The following REEP1 variants were observed in gnomAD, a reference collection of about 807,000 sequenced individuals.
REEP1 encodes the protein receptor accessory protein 1, also known as receptor expression-enhancing protein 1.
A neutral mutation model predicts 40.3 loss-of-function variants in REEP1; 22 were observed. That is an observed-to-expected ratio of 0.55 (90% CI 0.39 to 0.78). REEP1 has a LOEUF of 0.78. Ranked by LOEUF, REEP1 falls within the 30% of genes least tolerant of loss-of-function variation. REEP1 has a pLI of 0.00. For missense variants in REEP1, 280 were observed against 361.1 expected (o/e 0.78, Z 1.82); for synonymous variants, 116 against 139.2 (o/e 0.83, Z 1.17).
At chr2:86,277,225 T>C (rs1388752040) in intron 2 of REEP1, among the ~76,000 whole-genome samples, 1 of 151,866 alleles carries the variant, frequency 6.6e-6, no homozygotes, top group Non-Finnish European at 1.5e-5. Flanking sequence ...CAAACAGCCT[T>C]GGGGGGGCCT....
In REEP1 at chr2:86,337,375, A is replaced by T; in HGVS notation, c.32+104T>A. On this transcript the variant is annotated intron_variant, in intron 1 of 8. Transcript: ENST00000538924. The surrounding 1 kb of genome is among the most constrained non-coding windows in gnomAD (Gnocchi z 5.8). ...GCTAAATTTAGCTGCGCCGGGTATT[A>T]ATAGCCCGAGCCACTGGGACCGGGC... The T allele has an allele frequency of 2.8e-6, 2 of 714,646 alleles. No homozygotes were observed. The highest frequency in any genetic ancestry group is 3.8e-6 in the Non-Finnish European group (2 of 530,738). The allele number at this position is 714,646 out of a possible 1,614,324, so 44.3% of individuals were successfully genotyped here.
At chr2:86,285,332 T>C (rs1678330878) in intron 1 of REEP1, among the ~76,000 whole-genome samples, 1 of 152,240 alleles carries the variant, frequency 6.6e-6, no homozygotes, top group Non-Finnish European at 1.5e-5. Flanking sequence ...CTGTGAAGCC[T>C]TTGGTTACTG....
At chr2:86,247,151 A>G (rs1676013876) in intron 5 of REEP1, among the ~76,000 whole-genome samples, 1 of 152,000 alleles carries the variant, frequency 6.6e-6, no homozygotes. Context: ...CAGTTAGGAG[A>G]CAGGTACCAT....
rs542547704 is a variant in REEP1 at position 86,264,340 on chromosome 2, A to G, written c.106-299T>C. Among the ~76,000 whole-genome samples, 7 of 152,264 alleles carry G rather than the reference A, an allele frequency of 4.6e-5. No homozygotes were observed. The South Asian group carries it at 8.3e-4, about 18-fold the overall frequency. On this transcript the variant is annotated intron_variant, in intron 2 of 8. Transcript: ENST00000538924. ...GGATTCAATCAGGTCATTTTTCAGA[A>G]CATCAGGGGAGAAAATGCTCTAGGC...
rs1676310241 is a variant in REEP1 at position 86,252,023 on chromosome 2, G to C, written c.351C>G (p.Ala117=). The C allele has an allele frequency of 6.2e-7, 1 of 1,613,894 alleles. No homozygotes were observed. Among genetic ancestry groups the C allele is most frequent in the South Asian group, 1.1e-5 (1 of 91,068 alleles). The change falls in exon 5 of 9, where the codon GCC becomes GCG. Residue 117 remains alanine, a synonymous_variant. Coordinates refer to ENST00000538924, the MANE Select transcript of REEP1 (RefSeq NM_001371279.1). ...AGCCCCGCTTCCCGAAGTGCACAAG[G>C]GCATCGTAACTTCGGTCTTTTGCTT... ...LVQAKDRSYD[A]LVHFGKRGLN...
chr2:86,324,166 T>C (rs1471983589), intron 1 of REEP1, among the ~76,000 whole-genome samples: 1 of 152,054 alleles, frequency 6.6e-6, no homozygotes, highest in Non-Finnish European at 1.5e-5. Flanking sequence ...TCTATTGCAT[T>C]AATATTAAGA....
chr2:86,244,336 C>T (rs1452544983), intron 5 of REEP1, among the ~76,000 whole-genome samples: 4 of 151,496 alleles, frequency 2.6e-5, no homozygotes, highest in Admixed American at 6.6e-5. Flanking sequence ...ATTGTGCTGA[C>T]TGTTTTGTAG....
At chr2:86,222,018 T>A (rs1262231479) in intron 7 of REEP1, among the ~76,000 whole-genome samples, 1 of 152,074 alleles carries the variant, frequency 6.6e-6, no homozygotes, top group Non-Finnish European at 1.5e-5. Flanking sequence ...ACCCTCCACA[T>A]CCAGGTCCAG....
At chr2:86,238,751 G>A (rs912191590) in intron 5 of REEP1, among the ~76,000 whole-genome samples, 5 of 152,184 alleles carry the variant, frequency 3.3e-5, no homozygotes, top group South Asian at 2.1e-4. Context: ...AGGAGACTGC[G>A]CTTGAACTTG....
chr2:86,271,202 A>G (rs1221144208), intron 2 of REEP1, among the ~76,000 whole-genome samples: 4 of 152,146 alleles, frequency 2.6e-5, no homozygotes, highest in Non-Finnish European at 5.9e-5. Flanking sequence ...AAACAAAAAA[A>G]TAAACAAATA....
intron 5 of REEP1, among the ~76,000 whole-genome samples, chr2:86,233,258 G>A (rs965616479): frequency 5.3e-5 from 8 of 152,232 alleles, no homozygotes; most frequent in Non-Finnish European, 8.8e-5. Flanking sequence ...TATGTGCTTG[G>A]TTCTTATTAT....
At chr2:86,324,934 T>C (rs749090781) in intron 1 of REEP1, among the ~76,000 whole-genome samples, 1 of 152,204 alleles carries the variant, frequency 6.6e-6, no homozygotes, top group African/African-American at 2.4e-5. Context: ...ACAATAAAGG[T>C]AGTGTTCTAG....
At chr2:86,225,656 T>C (rs189391081) in intron 7 of REEP1, among the ~76,000 whole-genome samples, 84 of 152,332 alleles carry the variant, frequency 5.5e-4, no homozygotes, top group Non-Finnish European at 8.8e-4. Context: ...ACAGGACACG[T>C]CACATAATGC....
intron 2 of REEP1, among the ~76,000 whole-genome samples, chr2:86,270,170 CTTTTGTTT>C (rs71377072): frequency 0.43 from 59,798 of 139,020 alleles, 12,279 homozygotes; most frequent in East Asian, 0.6. Context: ...TATCATTTTT[CTTTTGTTT>C]GTTTGTTTGT....
Position 86,337,362 on chromosome 2 carries a change from T to A in REEP1, c.32+117A>T, listed in dbSNP as rs898679629. The A allele has an allele frequency of 9.7e-6, 6 of 616,394 alleles. No individual in the cohort carries two copies. Among genetic ancestry groups the A allele is most frequent in the Non-Finnish European group, 1.4e-5 (6 of 442,624 alleles). The allele number at this position is 616,394 out of a possible 1,614,324, so 38.2% of individuals were successfully genotyped here. ...GGCTACTGTACCTGCTAAATTTAGC[T>A]GCGCCGGGTATTAATAGCCCGAGCC... On this transcript the variant is annotated intron_variant, in intron 1 of 8. Coordinates refer to ENST00000538924, the MANE Select transcript of REEP1 (RefSeq NM_001371279.1). This position sits in a 1 kb window ranked among gnomAD's most constrained non-coding sequence, Gnocchi z 5.8.
intron 6 of REEP1, 106 bp downstream of exon 6, chr2:86,232,519 G>A (rs1388715191): frequency 7.4e-7 from 1 of 1,357,300 alleles, no homozygotes; most frequent in South Asian, 1.2e-5. Context: ...TTGGTGGCAG[G>A]TCCGTGGGGC....
intron 1 of REEP1, among the ~76,000 whole-genome samples, chr2:86,294,723 T>TTAGATAGATAGATAGATAGA (rs10674625): frequency 1.6e-4 from 24 of 148,866 alleles, no homozygotes; most frequent in East Asian, 4.0e-4. Context: ...GATTTATATT[T>TTAGATAGATAGATAGATAGA]TAGATAGATA....
intron 2 of REEP1, among the ~76,000 whole-genome samples, chr2:86,275,246 T>C (rs1677695297): frequency 6.7e-6 from 1 of 150,120 alleles, no homozygotes; most frequent in South Asian, 2.1e-4. Context: ...GAAAGTGAAA[T>C]TCCCCTGCAG....
At chr2:86,323,631 C>T (rs1680371350) in intron 1 of REEP1, among the ~76,000 whole-genome samples, 1 of 152,204 alleles carries the variant, frequency 6.6e-6, no homozygotes, top group Non-Finnish European at 1.5e-5. Context: ...AAACTGCCCC[C>T]CAACCCCCAT....
Sources: allele counts gnomAD v4.1 joint callset (sites outside exome capture counted in the v4.1 genomes callset), GRCh38; gene constraint gnomAD v4.1.1; non-coding constraint Gnocchi (gnomAD v3.1); transcripts MANE v1.5; gene names NCBI Gene and HGNC (gene_info 2026-07-23, HGNC 2026-07-21).